Variants in MAGI2 observed in about 807,000 individuals in gnomAD.
MAGI2 encodes membrane associated guanylate kinase, WW and PDZ domain containing 2.
A neutral mutation model predicts 133.3 loss-of-function variants in MAGI2; 35 were observed. The observed-to-expected ratio is 0.26, with a 90% CI of 0.20 to 0.35. The LOEUF is 0.35. Ranked by LOEUF, MAGI2 falls within the 10% of genes least tolerant of loss-of-function variation. The pLI, the probability that MAGI2 is intolerant of heterozygous loss-of-function variation, is 1.00. For missense variants in MAGI2, 1,636 were observed against 1,863.4 expected (o/e 0.88, Z 2.25); for synonymous variants, 729 against 710.6 (o/e 1.03, Z -0.41).
Position 78,528,067 on chromosome 7 carries a change from A to G in MAGI2, c.539-6422T>C, listed in dbSNP as rs138325245. Among the ~76,000 whole-genome samples the G allele has an allele frequency of 1.8e-4, 27 of 152,304 alleles. No homozygotes were observed. In the East Asian group the frequency reaches 5.2e-3, roughly 29 times the overall value. On this transcript the variant is annotated intron_variant, in intron 3 of 21. Transcript: ENST00000354212. ...CAGAAGAGAGATGATTGCCTGCAGGACCCACGGGGCATGCAAACAGCGCAG... is the reference window on the plus strand; with the variant it reads ...CAGAAGAGAGATGATTGCCTGCAGGGCCCACGGGGCATGCAAACAGCGCAG...
At chr7:78,911,092 T>C (rs1798365834) in intron 2 of MAGI2, among the ~76,000 whole-genome samples, 1 of 152,224 alleles carries the variant, frequency 6.6e-6, no homozygotes. Flanking sequence ...GTTTATTTAC[T>C]TTTTACTTTT....
chr7:78,274,791 T>C (rs944652609), intron 9 of MAGI2, among the ~76,000 whole-genome samples: 18 of 152,244 alleles, frequency 1.2e-4, no homozygotes, highest in African/African-American at 4.3e-4. Context: ...CACCTTCCCC[T>C]ATCAAGCTCA....
chr7:79,317,583 T>C (rs949278091), intron 1 of MAGI2, among the ~76,000 whole-genome samples: 8 of 152,206 alleles, frequency 5.3e-5, no homozygotes, highest in Non-Finnish European at 1.0e-4. Flanking sequence ...GTAATCGATA[T>C]AAAAATTTCA....
intron 1 of MAGI2, among the ~76,000 whole-genome samples, chr7:79,189,937 CT>C (rs1562977374): frequency 6.6e-6 from 1 of 151,732 alleles, no homozygotes; most frequent in Non-Finnish European, 1.5e-5. Context: ...CCCTCCCTGT[CT>C]TTTTATGGCT....
intron 3 of MAGI2, among the ~76,000 whole-genome samples, chr7:78,597,318 T>G (rs914889538): frequency 1.3e-5 from 2 of 151,194 alleles, no homozygotes; most frequent in Admixed American, 1.3e-4. Flanking sequence ...TCAGCATACT[T>G]GATACATAAT....
At chr7:78,567,814 C>G (rs988755512) in intron 3 of MAGI2, 1 of 152,268 alleles carries the variant, frequency 6.6e-6, no homozygotes, top group South Asian at 2.1e-4. Flanking sequence ...ACCCAATTCT[C>G]TGCTTCCTCT....
intron 3 of MAGI2, among the ~76,000 whole-genome samples, chr7:78,527,342 T>A (rs1041833826): frequency 5.3e-5 from 8 of 152,224 alleles, no homozygotes; most frequent in African/African-American, 1.4e-4. Context: ...ATTCTTCTGC[T>A]TTCTCTGTAG....
At chr7:78,517,181 A>T (rs993506478) in intron 4 of MAGI2, among the ~76,000 whole-genome samples, 1 of 132,962 alleles carries the variant, frequency 7.5e-6, no homozygotes, top group African/African-American at 2.5e-5. Flanking sequence ...TGTTAATGTT[A>T]AGGTTTCCGG....
intron 6 of MAGI2, among the ~76,000 whole-genome samples, chr7:78,425,221 G>C (rs1799171109): frequency 3.3e-5 from 5 of 152,054 alleles, no homozygotes; most frequent in Admixed American, 2.0e-4. Flanking sequence ...TTAAAAAGTG[G>C]GAGTTTGCCT....
intron 1 of MAGI2, among the ~76,000 whole-genome samples, chr7:79,026,920 C>T (rs1562803200): frequency 6.6e-6 from 1 of 151,250 alleles, no homozygotes; most frequent in Admixed American, 6.6e-5. Flanking sequence ...AGACATTTCT[C>T]AAAAGAAGAC....
chr7:78,712,048 G>A (rs1390671360), intron 2 of MAGI2, among the ~76,000 whole-genome samples: 1 of 152,066 alleles, frequency 6.6e-6, no homozygotes, highest in Non-Finnish European at 1.5e-5. Context: ...TCAACTCTAG[G>A]TTAAAAGGAA....
chr7:78,133,191 T>C (rs1388635296), intron 17 of MAGI2, 131 bp from the exon 18 acceptor site: 1 of 668,126 alleles, frequency 1.5e-6, no homozygotes, highest in African/African-American at 1.8e-5. Context: ...GCTAGGTTTT[T>C]AGATAGCAGG....
intron 3 of MAGI2, among the ~76,000 whole-genome samples, chr7:78,598,415 G>C (rs1174226049): frequency 6.6e-6 from 1 of 151,998 alleles, no homozygotes; most frequent in Admixed American, 6.6e-5. Flanking sequence ...TGAGTTATGA[G>C]AGGGCATGGC....
At chr7:79,161,016 G>T (rs1156851740) in intron 1 of MAGI2, among the ~76,000 whole-genome samples, 2 of 151,452 alleles carry the variant, frequency 1.3e-5, no homozygotes, top group African/African-American at 4.9e-5. Flanking sequence ...AAGGTAAAAT[G>T]GTCTGAAGGT....
intron 2 of MAGI2, among the ~76,000 whole-genome samples, chr7:78,890,540 G>A (rs1314866311): frequency 6.6e-6 from 1 of 152,150 alleles, no homozygotes; most frequent in Admixed American, 6.5e-5. Context: ...TCAGACCACA[G>A]TGCAATCAAA....
At chr7:78,279,953 T>C (rs1795401554) in intron 9 of MAGI2, among the ~76,000 whole-genome samples, 1 of 152,146 alleles carries the variant, frequency 6.6e-6, no homozygotes, top group Non-Finnish European at 1.5e-5. Flanking sequence ...CCAGCAGCAA[T>C]CTCAGCTTAT....
intron 1 of MAGI2, among the ~76,000 whole-genome samples, chr7:79,009,313 A>T (rs1461224193): frequency 6.6e-6 from 1 of 152,096 alleles, no homozygotes; most frequent in Non-Finnish European, 1.5e-5. Context: ...ATTCATTTCA[A>T]TGACTGTATC....
intron 2 of MAGI2, among the ~76,000 whole-genome samples, chr7:78,629,153 G>C (rs1808688737): frequency 6.6e-6 from 1 of 152,034 alleles, no homozygotes; most frequent in South Asian, 2.1e-4. Flanking sequence ...CTTCTTGGGA[G>C]GCCCATCAGT....
intron 3 of MAGI2, among the ~76,000 whole-genome samples, chr7:78,573,266 A>ATATATAAATATATATATT (rs1339531721): frequency 2.4e-3 from 57 of 24,242 alleles, no homozygotes; most frequent in Admixed American, 3.3e-3. Flanking sequence ...AAATATAAAT[A>ATATATAAATATATATATT]TATATAAATA....
Sources: allele counts gnomAD v4.1 joint callset (sites outside exome capture counted in the v4.1 genomes callset), GRCh38; gene constraint gnomAD v4.1.1; transcripts MANE v1.5; gene names NCBI Gene and HGNC (gene_info 2026-07-23, HGNC 2026-07-21).